HECW1: variants seen among roughly 807,000 people sequenced by gnomAD.
HECW1 encodes E3 ubiquitin-protein ligase HECW1.
HECW1 carries 61 observed loss-of-function variants against 182.3 expected under a neutral mutation model. The ratio of observed to expected loss-of-function variants is 0.33; its 90% CI spans 0.27 to 0.41. The LOEUF is 0.41. Among genes scored for constraint, HECW1 ranks in the 10% least tolerant of loss-of-function variants. HECW1 has a pLI of 1.00. For missense variants in HECW1, 1,739 were observed against 2,108.9 expected (o/e 0.82, Z 3.44); for synonymous variants, 859 against 832.6 (o/e 1.03, Z -0.55).
Position 43,227,409 on chromosome 7 carries a change from C to T in HECW1, c.-31-16466C>T, listed in dbSNP as rs1018156999. On this transcript the variant is annotated intron_variant, in intron 2 of 29. Transcript: ENST00000395891. ...TATAAAATTTAAGTCATTTAAAAAGCGTCTGGGTTTCAATGATAATGAAAA... is the reference window on the plus strand; with the variant it reads ...TATAAAATTTAAGTCATTTAAAAAGTGTCTGGGTTTCAATGATAATGAAAA... 4.6e-5 allele frequency among the ~76,000 whole-genome samples: 7 copies of T among 151,954 alleles called. No homozygotes were observed. In the South Asian group the frequency reaches 8.3e-4, roughly 18 times the overall value.
At chr7:43,241,642 G>GTGTGTT (rs2152718096) in intron 2 of HECW1, among the ~76,000 whole-genome samples, 1 of 151,078 alleles carries the variant, frequency 6.6e-6, no homozygotes, top group African/African-American at 2.4e-5. Context: ...GTGTGTGTGT[G>GTGTGTT]TGTGTGTGTG....
Position 43,432,062 on chromosome 7 carries a change from T to C in HECW1, c.802-5941T>C, listed in dbSNP as rs1014155636. Among the ~76,000 whole-genome samples the C allele has an allele frequency of 1.3e-5, 2 of 152,040 alleles. No individual in the cohort carries two copies. Among genetic ancestry groups the C allele is most frequent in the African/African-American group, 4.8e-5 (2 of 41,386 alleles). On this transcript the variant is annotated intron_variant, in intron 8 of 29. Transcript: ENST00000395891. This position sits in a 1 kb window ranked among gnomAD's most constrained non-coding sequence, Gnocchi z 4.1. The stretch of plus-strand genomic sequence containing the variant: ...CCAGGCTTGTCTTGAACTCTTAACC[T>C]TGTGATCTACCCACCTCGGCCTTCC...
At position 43,221,711 on chromosome 7, in the gene HECW1, G is replaced by A. The variant is rs891281856; in HGVS notation, c.-31-22164G>A. Among the ~76,000 whole-genome samples the A allele has an allele frequency of 4.6e-5, 7 of 151,566 alleles. No homozygotes were observed. In the East Asian group the frequency reaches 1.4e-3, roughly 30 times the overall value. The stretch of plus-strand genomic sequence containing the variant: ...TGGGACTACAGGTGCCCACCACCAC[G>A]CCCGGCTAATTTTTTGTATTTTTAG... On this transcript the variant is annotated intron_variant, in intron 2 of 29. Transcript: ENST00000395891.
intron 3 of HECW1, among the ~76,000 whole-genome samples, chr7:43,260,431 T>A (rs1801050222): frequency 6.6e-6 from 1 of 152,206 alleles, no homozygotes; most frequent in Non-Finnish European, 1.5e-5. Context: ...GGAAAAGAGA[T>A]GAGCCACACT....
chr7:43,383,280 T>A (rs1481841177), intron 6 of HECW1, among the ~76,000 whole-genome samples: 2 of 152,226 alleles, frequency 1.3e-5, no homozygotes, highest in Admixed American at 6.5e-5. Flanking sequence ...TGATTTATGA[T>A]CCTTTGGGTA....
At chr7:43,308,439 A>G (rs1023529946) in intron 3 of HECW1, among the ~76,000 whole-genome samples, 1 of 146,934 alleles carries the variant, frequency 6.8e-6, no homozygotes, top group African/African-American at 2.5e-5. Context: ...TTATTTGTCA[A>G]TTATACCTCA....
intron 11 of HECW1, among the ~76,000 whole-genome samples, chr7:43,449,697 G>A (rs1407338556): frequency 2.6e-5 from 4 of 152,226 alleles, no homozygotes; most frequent in African/African-American, 9.6e-5. Context: ...CATCAGCAGA[G>A]GACAGAAGAA....
chr7:43,372,080 C>T (rs2074130180), intron 6 of HECW1, among the ~76,000 whole-genome samples: 1 of 152,124 alleles, frequency 6.6e-6, no homozygotes, highest in Non-Finnish European at 1.5e-5. Flanking sequence ...TCTCAGCCTC[C>T]CAAAGTGCTG....
chr7:43,266,368 C>T (rs1293181781), intron 3 of HECW1, among the ~76,000 whole-genome samples: 1 of 152,144 alleles, frequency 6.6e-6, no homozygotes, highest in Non-Finnish European at 1.5e-5. Flanking sequence ...CAGAGTCTCA[C>T]TCTGTCACTC....
At chr7:43,489,118 C>T (rs976866593) in intron 17 of HECW1, among the ~76,000 whole-genome samples, 3 of 152,110 alleles carry the variant, frequency 2.0e-5, no homozygotes, top group Non-Finnish European at 2.9e-5. Flanking sequence ...TCACTCAGGG[C>T]GAAACAACAA....
Position 43,456,358 on chromosome 7 carries a change from A to G in HECW1, c.2562A>G (p.Thr854=). ...TTTATGTGGACCACGTGAACCGCAC[A>G]ACCACCTGGCAGCGTCCGACGGCAG... The part of the protein sequence containing the change: ...RVFYVDHVNR[T]TTWQRPTAAA... The change falls in exon 13 of 30, where the codon ACA becomes ACG. Residue 854 remains threonine (T), a synonymous_variant. Coordinates refer to ENST00000395891, the MANE Select transcript of HECW1 (RefSeq NM_015052.5). The G allele has an allele frequency of 6.2e-7, 1 of 1,614,116 alleles. No homozygotes were observed. Among genetic ancestry groups the G allele is most frequent in the Non-Finnish European group, 8.5e-7 (1 of 1,179,986 alleles).
At chr7:43,232,021 C>CAAA (rs34791514) in intron 2 of HECW1, among the ~76,000 whole-genome samples, 2 of 71,320 alleles carry the variant, frequency 2.8e-5, no homozygotes, top group Non-Finnish European at 5.5e-5. Flanking sequence ...GACTCCATCT[C>CAAA]AAAAAAAAAA....
intron 3 of HECW1, among the ~76,000 whole-genome samples, chr7:43,292,338 G>A (rs564595734): frequency 2.4e-4 from 36 of 152,242 alleles, no homozygotes; most frequent in Admixed American, 8.5e-4. Context: ...TAAGTTTTAC[G>A]GCCAGCACTT....
intron 2 of HECW1, among the ~76,000 whole-genome samples, chr7:43,158,042 A>G (rs373507213): frequency 4.6e-5 from 7 of 152,228 alleles, no homozygotes; most frequent in African/African-American, 9.6e-5. Context: ...GAAGTATAAT[A>G]TAAGGCTTTT....
At chr7:43,545,736 G>A (rs2081533117) in intron 26 of HECW1, among the ~76,000 whole-genome samples, 1 of 151,922 alleles carries the variant, frequency 6.6e-6, no homozygotes, top group African/African-American at 2.4e-5. Context: ...TTCATTGAGT[G>A]GAAGTGGATC....
In HECW1 at chr7:43,508,064, G is replaced by C. The variant is rs2079665327; in HGVS notation, c.3799G>C (p.Val1267Leu). 6.2e-7 allele frequency: 1 copy of C among 1,613,974 alleles called. No homozygotes were observed. Among genetic ancestry groups the C allele is most frequent in the Admixed American group, 1.7e-5 (1 of 60,006 alleles). ...TTTGTTGGAGGGAACCTTCAATCAG[G>C]TGATGGCCTATTCGCGGAAAGAGCT... is the stretch of plus-strand genomic sequence containing the variant. The part of the protein sequence containing the change: ...DHLLEGTFNQ[V>L]MAYSRKELQR... Residue 1267 changes from valine to leucine, a missense_variant, in exon 23 of 30, where the codon GTG (valine) becomes CTG (leucine). Val to Leu is a conservative substitution (Grantham distance 32). Transcript: ENST00000395891.
At chr7:43,357,850 T>G (rs1018933072) in intron 5 of HECW1, among the ~76,000 whole-genome samples, 1 of 152,200 alleles carries the variant, frequency 6.6e-6, no homozygotes, top group Non-Finnish European at 1.5e-5. Flanking sequence ...ATGAATGTAT[T>G]CAATCATCAC....
chr7:43,529,348 G>A, intron 24 of HECW1, among the ~76,000 whole-genome samples: 1 of 151,910 alleles, frequency 6.6e-6, no homozygotes, highest in East Asian at 1.9e-4. Context: ...CCCATCTGAA[G>A]GACAAAACGC....
At position 43,301,089 on chromosome 7, in the gene HECW1, G is replaced by A. The variant is rs567171366; in HGVS notation, c.28-10674G>A. ...CATTGCTGCAGTGTGAAGTTTCTAA[G>A]GTGAACAAAACCTCCGTGGCCCCCC... On this transcript the variant is annotated intron_variant, in intron 3 of 29. Transcript: ENST00000395891. Among the ~76,000 whole-genome samples the A allele has an allele frequency of 2.6e-5, 4 of 152,188 alleles. No homozygotes were observed. In the South Asian group the frequency reaches 8.3e-4, roughly 32 times the overall value.
Sources: allele counts gnomAD v4.1 joint callset (sites outside exome capture counted in the v4.1 genomes callset), GRCh38; gene constraint gnomAD v4.1.1; non-coding constraint Gnocchi (gnomAD v3.1); transcripts MANE v1.5; gene names NCBI Gene and HGNC (gene_info 2026-07-23, HGNC 2026-07-21).